Variants in GLP2R observed in about 807,000 individuals in gnomAD.
The protein encoded by GLP2R is glucagon like peptide 2 receptor, also known as glucagon-like peptide 2 receptor.
Under a neutral mutation model 68.2 loss-of-function variants are expected in GLP2R, and 59 were observed. The observed-to-expected ratio is 0.87, with a 90% confidence interval of 0.70 to 1.07. GLP2R has a LOEUF of 1.07. Ranked by LOEUF, GLP2R falls within the 50% of genes least tolerant of loss-of-function variation. The pLI is 0.00. For synonymous variants in GLP2R, 270 were observed against 265.4 expected, an observed-to-expected ratio of 1.02 and a Z score of -0.17; for missense variants, 548 against 677.4, an observed-to-expected ratio of 0.81 and a Z score of 2.12.
At chr17:9,839,544 C>T (rs1567719689) in intron 3 of GLP2R, among the ~76,000 whole-genome samples, 1 of 152,156 alleles carries the variant, frequency 6.6e-6, no homozygotes, top group Non-Finnish European at 1.5e-5. Flanking sequence ...CTGCTGTGGG[C>T]TCACCAGCAC....
chr17:9,859,723 G>A (rs996926544), intron 6 of GLP2R, among the ~76,000 whole-genome samples: 3 of 148,454 alleles, frequency 2.0e-5, no homozygotes, highest in Non-Finnish European at 3.0e-5. Flanking sequence ...GGGGGCTGAC[G>A]CAGGAGAATC....
intron 1 of GLP2R, among the ~76,000 whole-genome samples, chr17:9,829,698 C>T (rs1185535882): frequency 6.6e-6 from 1 of 151,714 alleles, no homozygotes; most frequent in Non-Finnish European, 1.5e-5. Context: ...TTTGAAGTCA[C>T]AATAAAAAAG....
Position 9,880,647 on chromosome 17 carries a change from G to C in GLP2R, c.1284+131G>C, listed in dbSNP as rs1054961869. ...AGCATCAGCAGCCTTTATCAGTAAG[G>C]GCCCTTGGCATTAGAAGGGCATGCA... On this transcript the variant is annotated intron_variant, in intron 11 of 12. Transcript: ENST00000262441. 4 of 596,426 alleles carry C rather than the reference G, an allele frequency of 6.7e-6. No homozygotes were observed. The Admixed American group carries it at 1.3e-4, about 19-fold the overall frequency. 36.9% of individuals were successfully genotyped at this position (596,426 alleles called of 1,614,324 possible). A position where few individuals can be genotyped will look rare whatever the true frequency, so the allele number is the denominator to read the frequency against.
rs114273181 is a variant in GLP2R, at chr17:9,860,069, G to A, written c.893G>A (p.Arg298Gln). ...GAGCCCACAGTGCTTCCTGAGAGGC[G>A]GCTGTGGCCCAGATACCTGCTGTTG... ...LLEPTVLPER[R>Q]LWPRYLLLGW... The change falls in exon 7 of 13, where the codon CGG becomes CAG. Residue 298 changes from arginine to glutamine, a missense_variant. Transcript: ENST00000262441. The A allele has an allele frequency of 2.2e-5, 36 of 1,611,068 alleles. No individual in the cohort carries two copies. The highest frequency in any genetic ancestry group is 4.5e-5 in the East Asian group (2 of 44,760).
At chr17:9,829,164 G>A (rs1387519178) in intron 1 of GLP2R, among the ~76,000 whole-genome samples, 1 of 152,140 alleles carries the variant, frequency 6.6e-6, no homozygotes, top group African/African-American at 2.4e-5. Flanking sequence ...CAGGGAGGTA[G>A]TGTTATCCCC....
chr17:9,826,463 T>G (rs1265202074), intron 1 of GLP2R, among the ~76,000 whole-genome samples: 2 of 152,170 alleles, frequency 1.3e-5, no homozygotes, highest in Non-Finnish European at 2.9e-5. Context: ...TGTTTTTTTT[T>G]ACAACAGCTG....
chr17:9,887,598 GC>G (rs2067255044), intron 11 of GLP2R, among the ~76,000 whole-genome samples: 1 of 152,126 alleles, frequency 6.6e-6, no homozygotes, highest in South Asian at 2.1e-4. Flanking sequence ...CAGTGACCTT[GC>G]CCAATATTTG....
At chr17:9,842,407 T>G in intron 3 of GLP2R, 88 bp from the exon 4 acceptor site, 1 of 1,514,118 alleles carries the variant, frequency 6.6e-7, no homozygotes, top group Non-Finnish European at 9.0e-7. Context: ...AAATCCCTTC[T>G]CCCTGGGATT....
intron 5 of GLP2R, among the ~76,000 whole-genome samples, chr17:9,856,596 CACTT>C (rs2066935637): frequency 6.6e-6 from 1 of 152,170 alleles, no homozygotes; most frequent in Non-Finnish European, 1.5e-5. Flanking sequence ...TTTTTCTGGA[CACTT>C]ACTTATGTGC....
chr17:9,854,062 A>G (rs1233030706), intron 4 of GLP2R, among the ~76,000 whole-genome samples: 6 of 152,234 alleles, frequency 3.9e-5, no homozygotes, highest in Non-Finnish European at 8.8e-5. Flanking sequence ...GTCATCTATG[A>G]AGACTTACTT....
chr17:9,869,310 G>A lies in GLP2R; in HGVS notation c.1057-1437G>A, dbSNP rs552944586. 7.9e-5 allele frequency among the ~76,000 whole-genome samples: 12 copies of A among 152,290 alleles called. No individual in the cohort carries two copies. In the East Asian group the frequency reaches 1.3e-3, roughly 17 times the overall value. On this transcript the variant is annotated intron_variant, in intron 9 of 12. Transcript: ENST00000262441. ...GTACAAATCTGATCAGGTCACTTGC[G>A]TGCTTAAAATCTATCACTGGCTCTT...
intron 2 of GLP2R, among the ~76,000 whole-genome samples, chr17:9,834,999 T>C (rs1298722318): frequency 2.0e-5 from 3 of 150,476 alleles, no homozygotes; most frequent in African/African-American, 7.3e-5. Context: ...ATGGTGTTTC[T>C]AAGATTTCAA....
At chr17:9,833,782 G>A in intron 1 of GLP2R, 25 bp from the exon 2 acceptor site, 1 of 1,455,862 alleles carries the variant, frequency 6.9e-7, no homozygotes, top group Non-Finnish European at 9.6e-7. Flanking sequence ...GGTCACTGGG[G>A]GTGACCATGT....
chr17:9,885,237 T>C (rs918587939), intron 11 of GLP2R, among the ~76,000 whole-genome samples: 2 of 151,508 alleles, frequency 1.3e-5, no homozygotes, highest in African/African-American at 4.8e-5. Context: ...TTGCCCAGGC[T>C]GGAGTGCAAT....
chr17:9,845,526 C>T (rs140137267), intron 4 of GLP2R, among the ~76,000 whole-genome samples: 3 of 152,222 alleles, frequency 2.0e-5, no homozygotes, highest in Admixed American at 6.5e-5. Flanking sequence ...GTGATTCATC[C>T]ACCTCCTGGC....
In GLP2R at chr17:9,889,971, C is replaced by A; in HGVS notation, c.*266C>A. The A allele has an allele frequency of 1.8e-6, 1 of 553,302 alleles. No homozygotes were observed. The highest frequency in any genetic ancestry group is 1.5e-5 in the South Asian group (1 of 65,360). The allele number at this position is 553,302 out of a possible 1,614,324, so 34.3% of individuals were successfully genotyped here. On this transcript the variant is annotated 3_prime_UTR_variant, in exon 13 of 13. Transcript: ENST00000262441. ...ATGCCCACCAGACCCTAGGGCCTGG[C>A]TCTAAATTCAAGCCAATGAAGTCCC...
chr17:9,831,434 C>A (rs1008871584), intron 1 of GLP2R, among the ~76,000 whole-genome samples: 1 of 152,050 alleles, frequency 6.6e-6, no homozygotes, highest in Non-Finnish European at 1.5e-5. Context: ...AGTGGCCCAC[C>A]AATGACATTG....
intron 11 of GLP2R, among the ~76,000 whole-genome samples, chr17:9,886,570 T>C (rs541780784): frequency 6.6e-6 from 1 of 152,310 alleles, no homozygotes; most frequent in Non-Finnish European, 1.5e-5. Flanking sequence ...TCTGACCAGA[T>C]TGCATGTGTG....
intron 10 of GLP2R, among the ~76,000 whole-genome samples, 200 bp from the exon 11 acceptor site, chr17:9,880,178 C>G (rs1398491056): frequency 1.3e-5 from 2 of 152,114 alleles, no homozygotes; most frequent in East Asian, 3.9e-4. Flanking sequence ...CTGAGCATTC[C>G]CCATGCGTCA....
Sources: allele counts gnomAD v4.1 joint callset (sites outside exome capture counted in the v4.1 genomes callset), GRCh38; gene constraint gnomAD v4.1.1; transcripts MANE v1.5; gene names NCBI Gene and HGNC (gene_info 2026-07-23, HGNC 2026-07-21).